ATL1: variants seen among roughly 807,000 people sequenced by gnomAD.
The protein encoded by ATL1 is atlastin-1.
Under a neutral mutation model 75.5 loss-of-function variants are expected in ATL1, and 31 were observed. The observed-to-expected ratio is 0.41, with a 90% CI of 0.31 to 0.55. The LOEUF (loss-of-function observed/expected upper bound fraction) is 0.55. Among genes scored for constraint, ATL1 ranks in the 20% least tolerant of loss-of-function variants. The pLI, the probability that ATL1 is intolerant of heterozygous loss-of-function variation, is 0.27. For synonymous variants in ATL1, 226 were observed against 233.3 expected (o/e 0.97, Z 0.28); for missense variants, 405 against 662.6 (o/e 0.61, Z 4.27).
intron 8 of ATL1, 61 bp from the exon 9 acceptor site, chr14:50,620,538 C>T: frequency 6.5e-7 from 1 of 1,537,256 alleles, no homozygotes; most frequent in Non-Finnish European, 8.9e-7. Flanking sequence ...ATGTTTTATT[C>T]TGTGGCATGG....
intron 1 of ATL1, among the ~76,000 whole-genome samples, chr14:50,549,086 G>T (rs80107456): frequency 6.6e-6 from 1 of 152,020 alleles, no homozygotes; most frequent in East Asian, 1.9e-4. Context: ...TACAGGAGGT[G>T]CTTGGACCCA....
chr14:50,577,096 T>C (rs1289045882), intron 1 of ATL1, among the ~76,000 whole-genome samples: 1 of 152,218 alleles, frequency 6.6e-6, no homozygotes, highest in Non-Finnish European at 1.5e-5. Context: ...GGAGTCTTGC[T>C]CTGTCGCCCA....
intron 1 of ATL1, among the ~76,000 whole-genome samples, chr14:50,568,244 G>A (rs1426457160): frequency 6.6e-6 from 1 of 151,970 alleles, no homozygotes; most frequent in Non-Finnish European, 1.5e-5. Context: ...AGTATATGAT[G>A]TCCTAGCCAG....
intron 13 of ATL1, chr14:50,630,839 GAAAA>G (rs1385560967): frequency 2.8e-6 from 1 of 361,498 alleles, no homozygotes; most frequent in Non-Finnish European, 5.5e-6. Flanking sequence ...CAAAGCTTAA[GAAAA>G]AATATAAGAG....
intron 1 of ATL1, among the ~76,000 whole-genome samples, chr14:50,546,499 G>A (rs546262894): frequency 3.0e-4 from 45 of 152,214 alleles, no homozygotes; most frequent in African/African-American, 1.0e-3. Context: ...ACACATTAAG[G>A]TAAAGTCAAG....
At chr14:50,550,670 C>T (rs2038691380) in intron 1 of ATL1, among the ~76,000 whole-genome samples, 1 of 152,130 alleles carries the variant, frequency 6.6e-6, no homozygotes, top group Non-Finnish European at 1.5e-5. Context: ...TCTCAATAAA[C>T]TTAAGAAAAT....
At chr14:50,583,915 C>T (rs1469839626) in intron 1 of ATL1, among the ~76,000 whole-genome samples, 1 of 152,044 alleles carries the variant, frequency 6.6e-6, no homozygotes, top group Non-Finnish European at 1.5e-5. Flanking sequence ...AAAACTCTTA[C>T]TTATGACAAA....
At chr14:50,601,301 C>A (rs1431807301) in intron 6 of ATL1, among the ~76,000 whole-genome samples, 1 of 151,910 alleles carries the variant, frequency 6.6e-6, no homozygotes, top group Non-Finnish European at 1.5e-5. Flanking sequence ...TTATATCAAG[C>A]TGTAATCAAG....
chr14:50,592,829 T>C (rs2039172861), intron 4 of ATL1, among the ~76,000 whole-genome samples: 1 of 147,678 alleles, frequency 6.8e-6, no homozygotes, highest in South Asian at 2.1e-4. Flanking sequence ...GAGAATGGCG[T>C]GAACCCAGGA....
intron 1 of ATL1, among the ~76,000 whole-genome samples, chr14:50,562,291 G>A (rs990401247): frequency 6.6e-6 from 1 of 152,102 alleles, no homozygotes; most frequent in South Asian, 2.1e-4. Flanking sequence ...TGATCCGCCC[G>A]CCTCGGCCTC....
intron 6 of ATL1, among the ~76,000 whole-genome samples, chr14:50,607,483 T>C (rs970634785): frequency 5.9e-5 from 9 of 152,032 alleles, no homozygotes; most frequent in African/African-American, 2.2e-4. Flanking sequence ...GTGAAAACAG[T>C]AAGTTTTCTG....
intron 6 of ATL1, among the ~76,000 whole-genome samples, chr14:50,608,646 T>C (rs1269510412): frequency 6.6e-6 from 1 of 151,964 alleles, no homozygotes; most frequent in African/African-American, 2.4e-5. Flanking sequence ...GTCCTCATTA[T>C]TTTGAATTGG....
At chr14:50,603,979 T>C (rs1424169113) in intron 6 of ATL1, among the ~76,000 whole-genome samples, 1 of 152,202 alleles carries the variant, frequency 6.6e-6, no homozygotes, top group Non-Finnish European at 1.5e-5. Flanking sequence ...TACATTTAGG[T>C]ACCTGAAATG....
In ATL1 at chr14:50,590,711, C is replaced by T. The variant is rs372413096; in HGVS notation, c.283-230C>T. Among the ~76,000 whole-genome samples, 4 of 152,198 alleles carry T rather than the reference C, an allele frequency of 2.6e-5. No individual in the cohort carries two copies. In the South Asian group the frequency reaches 6.2e-4, roughly 24 times the overall value. Reference sequence around the variant, plus strand: ...TAGGCTGTGAATTTCCTCTGGTCTGCAATGATATCTTTTCATTTTTATATC... The same window carrying T: ...TAGGCTGTGAATTTCCTCTGGTCTGTAATGATATCTTTTCATTTTTATATC... On this transcript the variant is annotated intron_variant, in intron 2 of 13. Coordinates refer to ENST00000358385, the MANE Select transcript of ATL1 (RefSeq NM_015915.5).
chr14:50,539,050 T>C (rs1292106307), intron 1 of ATL1, among the ~76,000 whole-genome samples: 1 of 152,184 alleles, frequency 6.6e-6, no homozygotes, highest in East Asian at 1.9e-4. Flanking sequence ...AGAAACCCGA[T>C]TGATAAAGTT....
intron 2 of ATL1, among the ~76,000 whole-genome samples, chr14:50,589,942 C>T (rs2039140330): frequency 6.6e-6 from 1 of 152,296 alleles, no homozygotes; most frequent in African/African-American, 2.4e-5. Flanking sequence ...ATAACTTATT[C>T]TCTGTAACAG....
chr14:50,610,325 G>T (rs779393728), intron 6 of ATL1, among the ~76,000 whole-genome samples: 15 of 151,970 alleles, frequency 9.9e-5, no homozygotes, highest in Non-Finnish European at 1.9e-4. Flanking sequence ...AATATTCCAT[G>T]GAAAAAGACA....
intron 1 of ATL1, among the ~76,000 whole-genome samples, chr14:50,533,580 T>G (rs2038451456): frequency 6.6e-6 from 1 of 152,166 alleles, no homozygotes; most frequent in Admixed American, 6.5e-5. Flanking sequence ...AAGTTGCCAG[T>G]GTTACATTAT....
intron 1 of ATL1, among the ~76,000 whole-genome samples, chr14:50,561,455 A>G (rs1180314179): frequency 1.3e-5 from 2 of 152,246 alleles, no homozygotes; most frequent in Non-Finnish European, 2.9e-5. Context: ...TATTATTTGA[A>G]AAGTTCAGAG....
Sources: gnomAD v4.1 joint callset for allele counts (sites outside exome capture counted in the v4.1 genomes callset) on GRCh38, gnomAD v4.1.1 for gene constraint, MANE v1.5 for transcripts, NCBI Gene and HGNC (gene_info 2026-07-23, HGNC 2026-07-21) for gene names.